SH3KBP1: variants seen among roughly 807,000 people sequenced by gnomAD.
SH3KBP1 encodes SH3 domain containing kinase binding protein 1.
SH3KBP1 carries 8 observed loss-of-function variants against 50.1 expected under a neutral mutation model. The observed-to-expected ratio is 0.16, with a 90% CI of 0.09 to 0.29. SH3KBP1 has a LOEUF of 0.29. SH3KBP1 is among the 10% of genes least tolerant of loss of function. SH3KBP1 has a pLI of 1.00. For synonymous variants in SH3KBP1, 227 were observed against 218.6 expected, an observed-to-expected ratio of 1.04 and a Z score of -0.34; for missense variants, 377 against 535.2, an observed-to-expected ratio of 0.70 and a Z score of 2.92.
At chrX:19,584,065 AATAG>A (rs1393001696) in intron 12 of SH3KBP1, among the ~76,000 whole-genome samples, 1 of 90,705 alleles carries the variant, frequency 1.1e-5, no homozygotes, top group Non-Finnish European at 2.0e-5. Context: ...TATATTTCAA[AATAG>A]ATAAATATAT....
chrX:19,596,652 C>T (rs5909126), intron 9 of SH3KBP1, among the ~76,000 whole-genome samples: 32,286 of 111,261 alleles, frequency 0.29, 4,494 homozygotes, highest in African/African-American at 0.55. Context: ...TCTCAAATCC[C>T]GCCACTGCTT....
At chrX:19,695,500 T>A (rs898563761) in intron 5 of SH3KBP1, 112 bp downstream of exon 5, 1 of 960,679 alleles carries the variant, frequency 1.0e-6, no homozygotes, top group African/African-American at 2.0e-5. Context: ...AAAAAAATAC[T>A]CGTAAGCGTT....
intron 1 of SH3KBP1, among the ~76,000 whole-genome samples, chrX:19,851,646 C>A (rs2068512594): frequency 1.8e-5 from 2 of 112,585 alleles, no homozygotes; most frequent in African/African-American, 3.2e-5. Flanking sequence ...AAGAGATCCT[C>A]CCACCTCAGC....
chrX:19,865,501 T>C (rs1184439359), intron 1 of SH3KBP1, among the ~76,000 whole-genome samples: 1 of 112,136 alleles, frequency 8.9e-6, no homozygotes, highest in Non-Finnish European at 1.9e-5. Context: ...TCCAACTAGC[T>C]GGGAGTGGAG....
chrX:19,572,470 CTATA>C (rs907898140), intron 12 of SH3KBP1, among the ~76,000 whole-genome samples: 6 of 104,972 alleles, frequency 5.7e-5, no homozygotes, highest in African/African-American at 2.1e-4. Context: ...TACATATATA[CTATA>C]TATAGTACAT....
intron 5 of SH3KBP1, chrX:19,695,096 G>C: frequency 9.2e-7 from 1 of 1,090,041 alleles, no homozygotes; most frequent in Non-Finnish European, 1.3e-6. Context: ...ATCGTAGAAG[G>C]ACACACATGC....
rs747264448 is a variant in SH3KBP1, at chrX:19,631,949, T to C, written c.812A>G (p.Tyr271Cys). 1 of 1,168,940 alleles carries C rather than the reference T, an allele frequency of 8.6e-7. No homozygotes were observed. The highest frequency in any genetic ancestry group is 1.2e-6 in the Non-Finnish European group (1 of 861,009). ...EMDSRTKSKDYCKVIFPYEAQ... is the reference protein window; with the variant it reads ...EMDSRTKSKDCCKVIFPYEAQ... ...CTCATATGGAAATATTACTTTGCAG[T>C]AATCCTTGCCTATAAGAAAAACAGA... Residue 271 changes from tyrosine to cysteine, a missense_variant, in exon 8 of 18, where the codon TAC (tyrosine) becomes TGC (cysteine). By Grantham distance (194) the Tyr-to-Cys change is radical (BLOSUM62 -2). Around this residue, in one of 3 missense-constraint regions of SH3KBP1, gnomAD observed 257 missense variants for 374.2 expected, o/e 0.69. Transcript: ENST00000397821.
intron 16 of SH3KBP1, among the ~76,000 whole-genome samples, chrX:19,539,454 G>T (rs2064818536): frequency 9.0e-6 from 1 of 111,591 alleles, no homozygotes; most frequent in Non-Finnish European, 1.9e-5. Flanking sequence ...ATCTCAGTGG[G>T]TACTACTTAG....
At position 19,541,151 on chromosome X, in the gene SH3KBP1, A is replaced by G. The variant is rs1261300201; in HGVS notation, c.1892+774T>C. 4.5e-5 allele frequency among the ~76,000 whole-genome samples: 5 copies of G among 112,074 alleles called. No homozygotes were observed. In the East Asian group the frequency reaches 1.1e-3, roughly 25 times the overall value. On this transcript the variant is annotated intron_variant, in intron 16 of 17. Coordinates refer to ENST00000397821, the MANE Select transcript of SH3KBP1 (RefSeq NM_031892.3). ...AGGCTAGTCTCAAACTCCTGACCTC[A>G]GGTGATTCACCTGCCTTGGCCTCCC...
At chrX:19,595,492 C>T (rs1432834656) in intron 9 of SH3KBP1, among the ~76,000 whole-genome samples, 1 of 112,425 alleles carries the variant, frequency 8.9e-6, no homozygotes, top group Non-Finnish European at 1.9e-5. Flanking sequence ...CTTTCTACAC[C>T]GAGGCTGGCA....
chrX:19,705,148 T>A (rs2063624160), intron 4 of SH3KBP1, among the ~76,000 whole-genome samples: 1 of 112,364 alleles, frequency 8.9e-6, no homozygotes, highest in Non-Finnish European at 1.9e-5. Flanking sequence ...TAATTAACAG[T>A]CGAGTGGAAC....
At chrX:19,804,237 T>TTAAATATTCAC (rs1175017026) in intron 2 of SH3KBP1, among the ~76,000 whole-genome samples, 3 of 111,318 alleles carry the variant, frequency 2.7e-5, no homozygotes, top group Non-Finnish European at 5.7e-5. Flanking sequence ...AAATAACACT[T>TTAAATATTCAC]TAAATATTCA....
chrX:19,857,730 A>G (rs1460051718), intron 1 of SH3KBP1, among the ~76,000 whole-genome samples: 1 of 111,170 alleles, frequency 9.0e-6, no homozygotes, highest in Non-Finnish European at 1.9e-5. Flanking sequence ...AAAAAAACAA[A>G]CAAACAAACA....
intron 13 of SH3KBP1, among the ~76,000 whole-genome samples, chrX:19,562,845 C>A (rs1168745967): frequency 8.9e-6 from 1 of 111,898 alleles, no homozygotes; most frequent in Non-Finnish European, 1.9e-5. Flanking sequence ...AGCTATTTTG[C>A]AGGCTGGTGG....
chrX:19,729,646 G>A (rs758158987), intron 3 of SH3KBP1, among the ~76,000 whole-genome samples: 7 of 111,733 alleles, frequency 6.3e-5, no homozygotes, highest in African/African-American at 2.3e-4. Flanking sequence ...GTAACTAAGA[G>A]CTAATGACAC....
chrX:19,871,129 T>C (rs2069031631), intron 1 of SH3KBP1, among the ~76,000 whole-genome samples: 1 of 112,536 alleles, frequency 8.9e-6, no homozygotes, highest in Non-Finnish European at 1.9e-5. Context: ...AATTTATATC[T>C]TTCCTTCTTT....
At chrX:19,717,480 A>T (rs2063941931) in intron 3 of SH3KBP1, among the ~76,000 whole-genome samples, 1 of 112,032 alleles carries the variant, frequency 8.9e-6, no homozygotes, top group African/African-American at 3.2e-5. Flanking sequence ...AGGCAGGAAG[A>T]CTGCTTGAGC....
intron 15 of SH3KBP1, among the ~76,000 whole-genome samples, chrX:19,544,077 G>A (rs73631344): frequency 0.031 from 3,473 of 110,992 alleles, 132 homozygotes; most frequent in African/African-American, 0.11. Context: ...GGCTGGCATG[G>A]CGAGGAGGCA....
At chrX:19,885,997 G>A (rs774655328) in intron 1 of SH3KBP1, among the ~76,000 whole-genome samples, 25 of 110,459 alleles carry the variant, frequency 2.3e-4, no homozygotes, top group African/African-American at 7.6e-4. Flanking sequence ...TAACTGTTAC[G>A]CACAAATATG....
Sources: gnomAD v4.1 joint callset for allele counts (sites outside exome capture counted in the v4.1 genomes callset) on GRCh38, gnomAD v4.1.1 for gene constraint, gnomAD v4.1.1 regional missense constraint, MANE v1.5 for transcripts, NCBI Gene and HGNC (gene_info 2026-07-23, HGNC 2026-07-21) for gene names.